Variants in TRUB2 observed in about 807,000 individuals in gnomAD.
The protein encoded by TRUB2 is pseudouridylate synthase TRUB2, mitochondrial.
A neutral mutation model predicts 31.9 loss-of-function variants in TRUB2; 31 were observed. The ratio of observed to expected loss-of-function variants is 0.97; its 90% CI spans 0.73 to 1.31. The LOEUF (loss-of-function observed/expected upper bound fraction) is 1.31. TRUB2 is among the 50% of genes most tolerant of loss of function. TRUB2 has a pLI of 0.00. For missense variants in TRUB2, 451 were observed against 439.6 expected, an observed-to-expected ratio of 1.03 and a Z score of -0.23; for synonymous variants, 201 against 182.6, an observed-to-expected ratio of 1.10 and a Z score of -0.81.
At position 128,306,728 on chromosome 9, in the gene TRUB2, G is replaced by C. The variant is rs1831872996; in HGVS notation, c.*2822C>G. 1 of 149,636 alleles carries C rather than the reference G, an allele frequency of 6.7e-6. No individual in the cohort carries two copies. The highest frequency in any genetic ancestry group is 2.1e-4 in the South Asian group (1 of 4,750). 9.3% of individuals were successfully genotyped at this position (149,636 alleles called of 1,614,324 possible). A position where few individuals can be genotyped will look rare whatever the true frequency, so the allele number is the denominator to read the frequency against. ...TGGGATTACAGGCGTGAGCCACCGTGCCCAGCCTTTTTTTTTTTCTTTTCT... is the reference window on the plus strand; with the variant it reads ...TGGGATTACAGGCGTGAGCCACCGTCCCCAGCCTTTTTTTTTTTCTTTTCT... On this transcript the variant is annotated 3_prime_UTR_variant, in exon 8 of 8. Coordinates refer to ENST00000372890, the MANE Select transcript of TRUB2 (RefSeq NM_015679.3).
At chr9:128,318,855 TAAG>T (rs1445276646) in intron 2 of TRUB2, among the ~76,000 whole-genome samples, 1 of 151,802 alleles carries the variant, frequency 6.6e-6, no homozygotes, top group Non-Finnish European at 1.5e-5. Context: ...GCCTATGAGT[TAAG>T]AATGGTTTTT....
intron 3 of TRUB2, 59 bp downstream of exon 3, chr9:128,317,093 G>A (rs1173584949): frequency 6.8e-7 from 1 of 1,473,194 alleles, no homozygotes; most frequent in African/African-American, 1.4e-5. Context: ...GCTCCTGGTA[G>A]CTTCAGGATC....
At chr9:128,312,908 G>T (rs567133001) in intron 5 of TRUB2, among the ~76,000 whole-genome samples, 2 of 150,072 alleles carry the variant, frequency 1.3e-5, no homozygotes, top group Non-Finnish European at 3.0e-5. Context: ...CACTGCGCCC[G>T]GCCTCTTTTT....
In TRUB2 at chr9:128,322,296, T is replaced by TCA; in HGVS notation, c.109+2_109+3dup. On this transcript the variant is annotated splice_donor_region_variant and intron_variant, in intron 1 of 7. Transcript: ENST00000372890. The stretch of plus-strand genomic sequence containing the variant: ...GGAACGTGGGTCTGGTTCGAGGCAC[T>TCA]CACCCTTCAGAAGTTGTAGCTCCAC... 1 of 1,612,712 alleles carries TCA rather than the reference T, an allele frequency of 6.2e-7. No homozygotes were observed. Among genetic ancestry groups the TCA allele is most frequent in the South Asian group, 1.1e-5 (1 of 91,052 alleles).
Position 128,315,644 on chromosome 9 carries a change from C to A in TRUB2, c.317-16G>T. 13 of 1,611,716 alleles carry A rather than the reference C, an allele frequency of 8.1e-6. No homozygotes were observed. Among genetic ancestry groups the A allele is most frequent in the Non-Finnish European group, 1.1e-5 (13 of 1,178,940 alleles). Reference sequence around the variant, plus strand: ...ACGCCGAGCACTGAAAAGCAGCCAGCGTCATCTCACACCTGGGACCCCCTT... The same window carrying A: ...ACGCCGAGCACTGAAAAGCAGCCAGAGTCATCTCACACCTGGGACCCCCTT... On this transcript the variant is annotated splice_polypyrimidine_tract_variant and intron_variant, in intron 3 of 7. Transcript: ENST00000372890.
At position 128,306,444 on chromosome 9, in the gene TRUB2, CTT is replaced by C. The variant is rs545464622; in HGVS notation, c.*3104_*3105del. The C allele has an allele frequency of 1.5e-4, 19 of 129,992 alleles. No homozygotes were observed. The highest frequency in any genetic ancestry group is 3.1e-4 in the Admixed American group (4 of 12,774). 8.1% of individuals were successfully genotyped at this position (129,992 alleles called of 1,614,324 possible). A position where few individuals can be genotyped will look rare whatever the true frequency, so the allele number is the denominator to read the frequency against. The stretch of plus-strand genomic sequence containing the variant: ...TTGCTGATTTTGTTCTGATTTTTCT[CTT>C]TTTTTTTTTTTTTTGAGACAGAGTC... On this transcript the variant is annotated 3_prime_UTR_variant, in exon 8 of 8. Coordinates refer to ENST00000372890, the MANE Select transcript of TRUB2 (RefSeq NM_015679.3).
intron 7 of TRUB2, 73 bp from the exon 8 acceptor site, chr9:128,309,948 C>G: frequency 6.8e-7 from 1 of 1,479,326 alleles, no homozygotes; most frequent in Non-Finnish European, 9.2e-7. Flanking sequence ...AACGCACACC[C>G]CTTGGATACC....
chr9:128,318,413 C>A (rs1301021115), intron 2 of TRUB2, among the ~76,000 whole-genome samples: 2 of 152,116 alleles, frequency 1.3e-5, no homozygotes, highest in African/African-American at 4.8e-5. Context: ...AGGACTTCTA[C>A]CTAGGGTCTC....
intron 7 of TRUB2, 51 bp downstream of exon 7, chr9:128,310,836 C>G: frequency 6.2e-7 from 1 of 1,609,198 alleles, no homozygotes; most frequent in Non-Finnish European, 8.5e-7. Flanking sequence ...CTGAGTGACT[C>G]CCAAACCTAC....
intron 2 of TRUB2, among the ~76,000 whole-genome samples, chr9:128,320,238 G>T (rs1032293679): frequency 6.6e-6 from 1 of 151,738 alleles, no homozygotes; most frequent in Non-Finnish European, 1.5e-5. Flanking sequence ...GCACAGTCTC[G>T]GCTCACTGCA....
Position 128,311,543 on chromosome 9 carries a change from C to G in TRUB2, c.519G>C (p.Gln173His). 1 of 1,614,150 alleles carries G rather than the reference C, an allele frequency of 6.2e-7. No individual in the cohort carries two copies. The highest frequency in any genetic ancestry group is 1.3e-5 in the African/African-American group (1 of 75,030). Residue 173 changes from glutamine to histidine, a missense_variant, in exon 6 of 8, where the codon CAG becomes CAC. Physicochemically the swap from Gln to His is conservative, Grantham distance 24. Transcript: ENST00000372890. ...RILAVIQGSH[Q>H]KALVMYSNLD... ...GCCCTACTCACATCACCAGGGCCTT[C>G]TGATGGGAGCCTTGGATAACGGCCA...
intron 5 of TRUB2, among the ~76,000 whole-genome samples, chr9:128,312,295 AC>A (rs1462923016): frequency 6.7e-6 from 1 of 149,232 alleles, no homozygotes; most frequent in Non-Finnish European, 1.5e-5. Flanking sequence ...ACGCCAAGAC[AC>A]CCGGCTAGTT....
chr9:128,312,057 G>A (rs7030180), intron 5 of TRUB2, among the ~76,000 whole-genome samples: 107,237 of 150,652 alleles, frequency 0.71, 43,003 homozygotes, highest in Non-Finnish European at 0.89. Context: ...GGATGGTCTC[G>A]ATCTCCTGAC....
chr9:128,321,493 G>C, intron 2 of TRUB2, 106 bp downstream of exon 2: 1 of 1,573,902 alleles, frequency 6.4e-7, no homozygotes, highest in Admixed American at 1.7e-5. Flanking sequence ...TCACTCCTCT[G>C]TGGACCTTCA....
At chr9:128,319,198 C>T (rs1019394231) in intron 2 of TRUB2, among the ~76,000 whole-genome samples, 1 of 151,818 alleles carries the variant, frequency 6.6e-6, no homozygotes, top group African/African-American at 2.4e-5. Flanking sequence ...TGGTGGCGGG[C>T]GCCTGTAGTC....
At chr9:128,309,964 G>C (rs899185252) in intron 7 of TRUB2, 89 bp from the exon 8 acceptor site, 1 of 1,407,486 alleles carries the variant, frequency 7.1e-7, no homozygotes, top group Non-Finnish European at 9.7e-7. Flanking sequence ...ATACCTCCTA[G>C]GTGTGTAACA....
In TRUB2 at chr9:128,305,846, C is replaced by G. The variant is rs1056089664; in HGVS notation, c.*3704G>C. On this transcript the variant is annotated 3_prime_UTR_variant, in exon 8 of 8. Transcript: ENST00000372890. The stretch of plus-strand genomic sequence containing the variant: ...CTGGGACTACAGGCACACACCAACA[C>G]CCCCGGCTTTTTTGTTTGTTTGTTT... 1 of 152,116 alleles carries G rather than the reference C, an allele frequency of 6.6e-6. No individual in the cohort carries two copies. Among genetic ancestry groups the G allele is most frequent in the African/African-American group, 2.4e-5 (1 of 41,362 alleles). 9.4% of individuals were successfully genotyped at this position (152,116 alleles called of 1,614,324 possible). A position where few individuals can be genotyped will look rare whatever the true frequency, so the allele number is the denominator to read the frequency against.
chr9:128,317,872 T>C (rs1432251773), intron 2 of TRUB2, among the ~76,000 whole-genome samples: 1 of 152,220 alleles, frequency 6.6e-6, no homozygotes, highest in Non-Finnish European at 1.5e-5. Context: ...GGCGACTCAA[T>C]ACATTATACT....
chr9:128,318,822 C>T (rs909402020), intron 2 of TRUB2, among the ~76,000 whole-genome samples: 12 of 151,970 alleles, frequency 7.9e-5, no homozygotes, highest in Non-Finnish European at 1.2e-4. Context: ...GAATGAGCCA[C>T]CGCATCTGGC....
Sources: gnomAD v4.1 joint callset for allele counts (sites outside exome capture counted in the v4.1 genomes callset) on GRCh38, gnomAD v4.1.1 for gene constraint, MANE v1.5 for transcripts, NCBI Gene and HGNC (gene_info 2026-07-23, HGNC 2026-07-21) for gene names.